Variants in VWA8 observed in about 807,000 individuals in gnomAD.
VWA8 encodes the protein von Willebrand factor A domain containing 8.
VWA8 carries 221 observed loss-of-function variants against 241.5 expected under a neutral mutation model. The ratio of observed to expected loss-of-function variants is 0.91; its 90% CI spans 0.82 to 1.02. The LOEUF is 1.02. VWA8 is among the 50% of genes least tolerant of loss of function. The pLI is 0.00. For missense variants in VWA8, 2,322 were observed against 2,328.7 expected (o/e 1.00, Z 0.06); for synonymous variants, 852 against 827.1 (o/e 1.03, Z -0.52).
chr13:41,660,113 CT>C lies in VWA8; in HGVS notation c.4611+10832del, dbSNP rs954076632. On this transcript the variant is annotated intron_variant, in intron 37 of 44. Transcript: ENST00000379310. ...CTGGTGAATGGAACTGATGATCACT[CT>C]TTTTTTTTTCTTTTTTTCTGAGACA... is the stretch of plus-strand genomic sequence containing the variant. Among the ~76,000 whole-genome samples the C allele has an allele frequency of 2.7e-5, 4 of 149,414 alleles. No homozygotes were observed. In the East Asian group the frequency reaches 7.8e-4, roughly 29 times the overall value.
intron 8 of VWA8, among the ~76,000 whole-genome samples, chr13:41,884,550 T>C (rs1874419187): frequency 6.6e-6 from 1 of 150,624 alleles, no homozygotes; most frequent in South Asian, 2.1e-4. Flanking sequence ...TTAAGAGTAC[T>C]GACTGCAATT....
At chr13:41,750,346 T>C (rs918300312) in intron 21 of VWA8, among the ~76,000 whole-genome samples, 1 of 151,828 alleles carries the variant, frequency 6.6e-6, no homozygotes. Context: ...GGCAGAAGAA[T>C]TGCTTGAACC....
intron 2 of VWA8, chr13:41,926,951 CAATCCTACATT>C: frequency 1.9e-6 from 1 of 532,494 alleles, no homozygotes; most frequent in South Asian, 1.5e-5. Flanking sequence ...TGATTTGCAT[CAATCCTACATT>C]AATCTGTGAT....
chr13:41,931,459 A>T (rs1376024597), intron 2 of VWA8, among the ~76,000 whole-genome samples: 1 of 152,082 alleles, frequency 6.6e-6, no homozygotes, highest in Non-Finnish European at 1.5e-5. Context: ...TAAATAGCAG[A>T]TATGTAAGAT....
intron 1 of VWA8, among the ~76,000 whole-genome samples, chr13:41,950,481 G>A (rs1431736726): frequency 2.6e-5 from 4 of 151,862 alleles, no homozygotes; most frequent in African/African-American, 9.7e-5. Context: ...CCATTCTCCT[G>A]CCTCAGCCTC....
intron 37 of VWA8, among the ~76,000 whole-genome samples, chr13:41,617,787 G>C (rs1360071856): frequency 6.6e-6 from 1 of 151,748 alleles, no homozygotes; most frequent in Non-Finnish European, 1.5e-5. Flanking sequence ...ATGGTTTCCA[G>C]CTTCATCCAT....
At chr13:41,822,153 TTATTA>T (rs1260648642) in intron 14 of VWA8, among the ~76,000 whole-genome samples, 4 of 152,176 alleles carry the variant, frequency 2.6e-5, no homozygotes, top group Non-Finnish European at 5.9e-5. Context: ...TATGCATAGT[TTATTA>T]TATGTCAATC....
chr13:41,944,390 A>G (rs1877751942), intron 2 of VWA8, among the ~76,000 whole-genome samples: 1 of 152,026 alleles, frequency 6.6e-6, no homozygotes, highest in Non-Finnish European at 1.5e-5. Flanking sequence ...TTATTGAGAC[A>G]GGGTCTCACT....
chr13:41,573,361 C>T (rs192248587), intron 43 of VWA8, among the ~76,000 whole-genome samples: 18 of 149,402 alleles, frequency 1.2e-4, no homozygotes, highest in Admixed American at 8.0e-4. Context: ...GAGGTCGTAG[C>T]GGGCCGAGAT....
At chr13:41,751,024 CAG>C (rs2045652240) in intron 21 of VWA8, among the ~76,000 whole-genome samples, 1 of 151,876 alleles carries the variant, frequency 6.6e-6, no homozygotes, top group African/African-American at 2.4e-5. Flanking sequence ...AATTGCAAGA[CAG>C]AGACAGTAAT....
chr13:41,683,921 T>C (rs1386451230), intron 35 of VWA8, among the ~76,000 whole-genome samples: 1 of 152,174 alleles, frequency 6.6e-6, no homozygotes, highest in African/African-American at 2.4e-5. Context: ...ACATAACTTC[T>C]TGTAATTCCT....
chr13:41,920,384 G>A (rs118022114), intron 2 of VWA8, among the ~76,000 whole-genome samples: 1,951 of 151,972 alleles, frequency 0.013, 21 homozygotes, highest in Middle Eastern at 0.048. Context: ...GTGCTTCAGA[G>A]GCAAGAGCAA....
intron 26 of VWA8, 94 bp downstream of exon 26, chr13:41,719,497 A>T (rs2045368444): frequency 6.3e-7 from 1 of 1,584,908 alleles, no homozygotes; most frequent in African/African-American, 1.4e-5. Flanking sequence ...ACTCATGGAA[A>T]GTAATTTCCA....
chr13:41,912,811 G>A (rs1876074973), intron 2 of VWA8, among the ~76,000 whole-genome samples: 1 of 152,040 alleles, frequency 6.6e-6, no homozygotes, highest in Non-Finnish European at 1.5e-5. Flanking sequence ...CGCCCTTCCA[G>A]GTCTACTATT....
chr13:41,615,614 T>C (rs1013818500), intron 37 of VWA8, among the ~76,000 whole-genome samples: 1 of 152,220 alleles, frequency 6.6e-6, no homozygotes, highest in African/African-American at 2.4e-5. Context: ...TTATGTTATA[T>C]ACTAAAAACT....
intron 44 of VWA8, among the ~76,000 whole-genome samples, chr13:41,569,389 T>C (rs1283682179): frequency 1.3e-5 from 2 of 152,196 alleles, no homozygotes; most frequent in African/African-American, 4.8e-5. Context: ...TGTTTGAGGA[T>C]GTGGAGGTTC....
intron 3 of VWA8, among the ~76,000 whole-genome samples, chr13:41,909,792 G>A (rs1566502948): frequency 6.6e-6 from 1 of 152,178 alleles, no homozygotes; most frequent in South Asian, 2.1e-4. Context: ...ACAGCCCCAG[G>A]AGCAGCAGAT....
intron 35 of VWA8, among the ~76,000 whole-genome samples, chr13:41,675,715 G>C (rs946202097): frequency 2.6e-5 from 4 of 151,914 alleles, no homozygotes; most frequent in African/African-American, 9.7e-5. Context: ...GTGTTAGGTT[G>C]GTCAAGTTAT....
At chr13:41,897,358 T>C (rs1875162112) in intron 4 of VWA8, among the ~76,000 whole-genome samples, 1 of 152,132 alleles carries the variant, frequency 6.6e-6, no homozygotes, top group African/African-American at 2.4e-5. Context: ...ATGAGACCTC[T>C]CACTCCAGTT....
Sources: allele counts gnomAD v4.1 joint callset (sites outside exome capture counted in the v4.1 genomes callset), GRCh38; gene constraint gnomAD v4.1.1; transcripts MANE v1.5; gene names NCBI Gene and HGNC (gene_info 2026-07-23, HGNC 2026-07-21).